Variants in FOXP1 observed in about 807,000 individuals in gnomAD.
FOXP1 encodes forkhead box protein P1.
In FOXP1, 15 loss-of-function variants were observed where a neutral mutation model predicts 98.2. The ratio of observed to expected loss-of-function variants is 0.15; its 90% CI spans 0.10 to 0.24. The LOEUF is 0.24. FOXP1 is among the 10% of genes least tolerant of loss of function. The pLI, the probability that FOXP1 is intolerant of heterozygous loss-of-function variation, is 1.00. For synonymous variants in FOXP1, 371 were observed against 314.5 expected, an observed-to-expected ratio of 1.18 and a Z score of -1.90; for missense variants, 633 against 848.5, an observed-to-expected ratio of 0.75 and a Z score of 3.15.
intron 7 of FOXP1, among the ~76,000 whole-genome samples, chr3:71,102,053 G>T (rs1034440012): frequency 5.9e-5 from 9 of 152,264 alleles, no homozygotes; most frequent in Middle Eastern, 3.4e-3. Flanking sequence ...CTAGTATTCA[G>T]TCCCTGTAAT....
At chr3:71,489,749 A>C (rs1377452131) in intron 3 of FOXP1, among the ~76,000 whole-genome samples, 1 of 152,186 alleles carries the variant, frequency 6.6e-6, no homozygotes, top group Non-Finnish European at 1.5e-5. Context: ...CCTGCCTCTA[A>C]GTTAATTTAT....
intron 13 of FOXP1, among the ~76,000 whole-genome samples, chr3:70,995,760 C>T (rs966693949): frequency 6.6e-6 from 1 of 152,176 alleles, no homozygotes; most frequent in Non-Finnish European, 1.5e-5. Context: ...CTTCTTGACT[C>T]TTCTCCAAAT....
At chr3:71,483,009 T>G (rs2090397029) in intron 3 of FOXP1, among the ~76,000 whole-genome samples, 1 of 151,912 alleles carries the variant, frequency 6.6e-6, no homozygotes, top group Non-Finnish European at 1.5e-5. Flanking sequence ...CTAATTTTTT[T>G]TCTTATTTTT....
chr3:71,412,941 T>C (rs1199184648), intron 3 of FOXP1, among the ~76,000 whole-genome samples: 1 of 152,194 alleles, frequency 6.6e-6, no homozygotes, highest in East Asian at 1.9e-4. Context: ...CCTGTGCACA[T>C]ATGCAGTAAG....
At chr3:71,325,332 C>T (rs1380994356) in intron 4 of FOXP1, among the ~76,000 whole-genome samples, 2 of 152,128 alleles carry the variant, frequency 1.3e-5, no homozygotes, top group African/African-American at 4.8e-5. Flanking sequence ...GGATTACAGG[C>T]GTGAGCCACT....
intron 12 of FOXP1, among the ~76,000 whole-genome samples, chr3:71,005,333 A>AC (rs1210452386): frequency 2.0e-5 from 3 of 149,592 alleles, no homozygotes; most frequent in Non-Finnish European, 4.5e-5. Flanking sequence ...AAAAAAAAAA[A>AC]AAAAAAAACC....
intron 3 of FOXP1, among the ~76,000 whole-genome samples, chr3:71,433,865 C>T (rs1320419140): frequency 2.0e-5 from 3 of 152,228 alleles, no homozygotes; most frequent in African/African-American, 4.8e-5. Flanking sequence ...TCTGCCATCC[C>T]CTGATGGCAC....
Position 71,533,508 on chromosome 3 carries a change from G to A in FOXP1, c.-297-39953C>T, listed in dbSNP as rs1038904491. 6.6e-5 allele frequency among the ~76,000 whole-genome samples: 10 copies of A among 152,094 alleles called. 1 individual carries two copies. Among genetic ancestry groups the A allele is most frequent in the Non-Finnish European group, 2.9e-5 (2 of 68,022 alleles). On this transcript the variant is annotated intron_variant, in intron 2 of 20. Coordinates refer to ENST00000649528, the MANE Select transcript of FOXP1 (RefSeq NM_001349338.3). Reference sequence around the variant, plus strand: ...GTTAATTGACTGTTTATGTTACCAGGAAAGCTTCTGTTCTACAGTAAGCTC... The same window carrying A: ...GTTAATTGACTGTTTATGTTACCAGAAAAGCTTCTGTTCTACAGTAAGCTC...
At chr3:71,169,457 G>C (rs936197310) in intron 6 of FOXP1, among the ~76,000 whole-genome samples, 1 of 152,112 alleles carries the variant, frequency 6.6e-6, no homozygotes, top group Non-Finnish European at 1.5e-5. Context: ...CCTCCAGGGA[G>C]AGCCTAATGC....
chr3:71,146,851 A>C (rs1247102641), intron 6 of FOXP1, among the ~76,000 whole-genome samples: 2 of 152,206 alleles, frequency 1.3e-5, no homozygotes, highest in African/African-American at 4.8e-5. Context: ...GACTCCTCCT[A>C]GTCCCCAGGG....
chr3:71,395,888 T>C (rs2081342775), intron 3 of FOXP1, among the ~76,000 whole-genome samples: 1 of 152,132 alleles, frequency 6.6e-6, no homozygotes. Flanking sequence ...TGGTTATGAA[T>C]GACTTGGCTA....
chr3:71,078,877 G>A (rs1288974), intron 7 of FOXP1, among the ~76,000 whole-genome samples: 88,675 of 151,982 alleles, frequency 0.58, 30,061 homozygotes, highest in Non-Finnish European at 0.77. Flanking sequence ...AAGCACAAGA[G>A]CTAGTGTGAC....
chr3:71,223,567 C>T (rs551559978), intron 5 of FOXP1, among the ~76,000 whole-genome samples: 24 of 151,848 alleles, frequency 1.6e-4, no homozygotes, highest in Middle Eastern at 3.4e-3. Flanking sequence ...TAATGGCAGA[C>T]GCCTGTAGTC....
chr3:71,580,268 G>C (rs1230012094), intron 2 of FOXP1, among the ~76,000 whole-genome samples: 1 of 150,940 alleles, frequency 6.6e-6, no homozygotes, highest in Non-Finnish European at 1.5e-5. Context: ...CCAGTGGCAA[G>C]ATGTTAAACC....
intron 11 of FOXP1, among the ~76,000 whole-genome samples, chr3:71,038,066 C>G (rs1352010546): frequency 6.6e-6 from 1 of 152,140 alleles, no homozygotes; most frequent in Non-Finnish European, 1.5e-5. Context: ...CTCACCAAAC[C>G]CCAGAGCTGC....
intron 2 of FOXP1, chr3:71,570,515 C>T (rs893578914): frequency 1.3e-5 from 2 of 152,174 alleles, no homozygotes; most frequent in Non-Finnish European, 2.9e-5. Flanking sequence ...TTTTCCCATT[C>T]GGAAAGGGAA....
chr3:71,583,727 A>G lies in FOXP1; in HGVS notation c.-603T>C, dbSNP rs1211783613. 3 of 985,148 alleles carry G rather than the reference A, an allele frequency of 3.0e-6. No individual in the cohort carries two copies. In the African/African-American group the frequency reaches 5.3e-5, roughly 17 times the overall value. The allele number at this position is 985,148 out of a possible 1,614,324, so 61.0% of individuals were successfully genotyped here. On this transcript the variant is annotated 5_prime_UTR_variant, in exon 1 of 21. Transcript: ENST00000649528. ...GGGCGAGGGCCGGGCCGCCGCGAGT[A>G]CAGCGTGCAACCGCCACACAATAAA...
At chr3:71,348,558 C>T (rs1179001360) in intron 4 of FOXP1, among the ~76,000 whole-genome samples, 9 of 140,852 alleles carry the variant, frequency 6.4e-5, no homozygotes, top group African/African-American at 1.0e-4. Context: ...TGCGTGCGCG[C>T]GCGCACGCAT....
At chr3:71,349,493 G>T (rs2077629307) in intron 4 of FOXP1, among the ~76,000 whole-genome samples, 1 of 152,034 alleles carries the variant, frequency 6.6e-6, no homozygotes, top group African/African-American at 2.4e-5. Flanking sequence ...TCCAAATATG[G>T]GATGAATTGT....
Sources: allele counts gnomAD v4.1 joint callset (sites outside exome capture counted in the v4.1 genomes callset), GRCh38; gene constraint gnomAD v4.1.1; transcripts MANE v1.5; gene names NCBI Gene and HGNC (gene_info 2026-07-23, HGNC 2026-07-21).